The following MYO18B variants were observed in gnomAD, a reference collection of about 807,000 sequenced individuals.
MYO18B encodes myosin XVIIIB, also known as unconventional myosin-XVIIIb.
Under a neutral mutation model 273.0 loss-of-function variants are expected in MYO18B, and 204 were observed. That is an observed-to-expected ratio of 0.75 (90% CI 0.67 to 0.84). The LOEUF is 0.84. MYO18B is among the 40% of genes least tolerant of loss of function. The probability of loss-of-function intolerance (pLI) is 0.00; values close to 1 mark genes in which losing one functional copy is unlikely to be tolerated. For missense variants in MYO18B, 3,212 were observed against 3,287.6 expected (o/e 0.98, Z 0.56); for synonymous variants, 1,330 against 1,305.7 (o/e 1.02, Z -0.40).
rs1037092666 is a variant in MYO18B at position 25,769,442 on chromosome 22, G to A, written c.1512+14G>A. 8 of 1,501,026 alleles carry A rather than the reference G, an allele frequency of 5.3e-6. No individual in the cohort carries two copies. Among genetic ancestry groups the A allele is most frequent in the Admixed American group, 4.7e-5 (2 of 42,306 alleles). 93.0% of individuals were successfully genotyped at this position (1,501,026 alleles called of 1,614,324 possible). On this transcript the variant is annotated intron_variant, in intron 4 of 43. Coordinates refer to ENST00000335473, the MANE Select transcript of MYO18B (RefSeq NM_032608.7). ...GACTCAGACCAGGTGAGGGGGCTGC[G>A]GCCCTGGGAGCGGGAAGCGGCAGAC...
chr22:25,861,936 C>A (rs531188083), intron 21 of MYO18B, among the ~76,000 whole-genome samples: 1 of 152,272 alleles, frequency 6.6e-6, no homozygotes, highest in East Asian at 1.9e-4. Context: ...AGTCCACCCT[C>A]CATATGTATC....
intron 33 of MYO18B, among the ~76,000 whole-genome samples, chr22:25,913,429 T>A (rs1314768968): frequency 6.6e-6 from 1 of 152,224 alleles, no homozygotes; most frequent in Non-Finnish European, 1.5e-5. Flanking sequence ...AGTGGTGTGA[T>A]CTGGGCTCAC....
intron 12 of MYO18B, among the ~76,000 whole-genome samples, chr22:25,802,771 A>C (rs1016364345): frequency 2.0e-5 from 3 of 150,736 alleles, no homozygotes; most frequent in Admixed American, 6.6e-5. Context: ...AAAAAAAAAA[A>C]AAAAACCCCT....
rs777695914 is a variant in MYO18B at position 25,846,189 on chromosome 22, C to T, written c.3458C>T (p.Ala1153Val). The change falls in exon 19 of 44, where the codon GCC becomes GTC. Residue 1153 changes from alanine (A) to valine (V), a missense_variant. Coordinates refer to ENST00000335473, the MANE Select transcript of MYO18B (RefSeq NM_032608.7). ...GGCCTGGAGGGCACCTCCCAGCAGG[C>T]CCTGCAGAGGAGCCGCATGGTGAGG... ...VAGLEGTSQQALQRSRMVRRT... is the reference protein window; with the variant it reads ...VAGLEGTSQQVLQRSRMVRRT... 12 of 1,611,984 alleles carry T rather than the reference C, an allele frequency of 7.4e-6. No homozygotes were observed. In the African/African-American group the frequency reaches 8.0e-5, roughly 11 times the overall value.
chr22:25,791,035 G>A (rs2087636995), intron 11 of MYO18B, among the ~76,000 whole-genome samples: 1 of 152,170 alleles, frequency 6.6e-6, no homozygotes, highest in South Asian at 2.1e-4. Context: ...GATATTTATT[G>A]ATCTTATTAG....
chr22:25,975,245 A>G (rs7284984), intron 39 of MYO18B, among the ~76,000 whole-genome samples: 6 of 152,080 alleles, frequency 3.9e-5, no homozygotes, highest in Non-Finnish European at 8.8e-5. Context: ...TTCTTTCCTG[A>G]TGAGTCAATA....
At chr22:25,824,670 G>A (rs12167441) in intron 13 of MYO18B, among the ~76,000 whole-genome samples, 27,423 of 152,042 alleles carry the variant, frequency 0.18, 2,782 homozygotes, top group Non-Finnish European at 0.22. Context: ...CAGGGACTTC[G>A]GCGTGAGGAC....
chr22:26,052,625 A>G, the MYO18B span, among the ~76,000 whole-genome samples: 1 of 152,190 alleles, frequency 6.6e-6, no homozygotes. Context: ...GATGAAAAGA[A>G]CAAGAAAGAA....
At chr22:25,942,642 C>T (rs1303498444) in intron 34 of MYO18B, among the ~76,000 whole-genome samples, 2 of 152,142 alleles carry the variant, frequency 1.3e-5, no homozygotes, top group Non-Finnish European at 2.9e-5. Context: ...CAGAGTCCGC[C>T]TTTATCAAAA....
At chr22:25,864,394 C>T (rs1049322170) in intron 21 of MYO18B, among the ~76,000 whole-genome samples, 2 of 152,160 alleles carry the variant, frequency 1.3e-5, no homozygotes, top group African/African-American at 2.4e-5. Flanking sequence ...CCTTCCTCCA[C>T]CATTCTGGAA....
At chr22:25,894,458 C>T (rs1030317955) in intron 27 of MYO18B, among the ~76,000 whole-genome samples, 9 of 152,174 alleles carry the variant, frequency 5.9e-5, no homozygotes, top group Non-Finnish European at 1.3e-4. Context: ...GATAAGACAT[C>T]TTAGCCTAAA....
At chr22:25,764,497 C>T (rs1316616264) in intron 3 of MYO18B, among the ~76,000 whole-genome samples, 3 of 152,210 alleles carry the variant, frequency 2.0e-5, no homozygotes, top group Admixed American at 1.3e-4. Context: ...AGCCCAGTGA[C>T]CCATCCTGAC....
At chr22:26,044,920 G>A in the MYO18B span, among the ~76,000 whole-genome samples, 1 of 152,188 alleles carries the variant, frequency 6.6e-6, no homozygotes, top group South Asian at 2.1e-4. Flanking sequence ...GAGATGGTTT[G>A]TCCAATGGCA....
rs571740354 is a variant in MYO18B at position 26,026,904 on chromosome 22, C to T, written c.6930C>T (p.Pro2310=). 6.2e-7 allele frequency: 1 copy of T among 1,608,474 alleles called. No individual in the cohort carries two copies. The highest frequency in any genetic ancestry group is 8.5e-7 in the Non-Finnish European group (1 of 1,176,628). ...NLSLRVGAKS[P]LEIEGAAGGL... ...CGCTGAGGGTTGGGGCAAAGTCACC[C>T]CTGGAAATCGAAGGGGCCGCTGGTG... The change falls in exon 43 of 44, where the codon CCC becomes CCT. Residue 2310 remains proline, a synonymous_variant. Coordinates refer to ENST00000335473, the MANE Select transcript of MYO18B (RefSeq NM_032608.7).
intron 26 of MYO18B, 123 bp downstream of exon 26, chr22:25,890,998 T>G (rs773962254): frequency 2.7e-5 from 37 of 1,387,364 alleles, no homozygotes; most frequent in Non-Finnish European, 3.5e-5. Context: ...GACTGACTGC[T>G]GGGCTCAAGG....
At position 25,772,486 on chromosome 22, in the gene MYO18B, G is replaced by A. The variant is rs375159435; in HGVS notation, c.1845G>A (p.Gly615=). The A allele has an allele frequency of 8.7e-6, 14 of 1,613,718 alleles. No homozygotes were observed. The highest frequency in any genetic ancestry group is 4.0e-5 in the African/African-American group (3 of 74,912). Residue 615 remains glycine, a synonymous_variant, in exon 7 of 44, where the codon GGG becomes GGA. Transcript: ENST00000335473. ...ATCTGATTGTCCTCCAGCCCCGGGG[G>A]CCCTCGGTGCCTTCTGCAGGGAAGG... is the stretch of plus-strand genomic sequence containing the variant. The part of the protein sequence containing the change: ...GPDLIVLQPR[G]PSVPSAGKVP...
chr22:25,946,313 G>A, intron 35 of MYO18B, 63 bp downstream of exon 35: 2 of 1,191,246 alleles, frequency 1.7e-6, no homozygotes, highest in Admixed American at 2.1e-5. Flanking sequence ...GAGCTAGTGT[G>A]GGCCTAGTGT....
rs756256936 is a variant in MYO18B at position 25,798,004 on chromosome 22, A to G, written c.2428A>G (p.Met810Val). The G allele has an allele frequency of 3.7e-6, 6 of 1,613,956 alleles. No homozygotes were observed. The South Asian group carries it at 5.5e-5, about 15-fold the overall frequency. The change falls in exon 12 of 44, where the codon ATG (methionine) becomes GTG (valine). Residue 810 changes from methionine (M) to valine (V), a missense_variant. By Grantham distance (21) the Met-to-Val change is conservative (BLOSUM62 1). Transcript: ENST00000335473. The stretch of plus-strand genomic sequence containing the variant: ...TGCCTTTGCCCAGCTCCAGGGTGCC[A>G]TGGAGATGCTCGGCATCTCAGAGAG... ...AAAFAQLQGAMEMLGISESEQ... is the reference protein window; with the variant it reads ...AAAFAQLQGAVEMLGISESEQ...
chr22:25,980,521 A>T (rs574450900), intron 39 of MYO18B, among the ~76,000 whole-genome samples: 13 of 152,258 alleles, frequency 8.5e-5, no homozygotes, highest in African/African-American at 2.6e-4. Flanking sequence ...TCTGCCTTTA[A>T]TATACAAGTG....
Sources: allele counts gnomAD v4.1 joint callset (sites outside exome capture counted in the v4.1 genomes callset), GRCh38; gene constraint gnomAD v4.1.1; transcripts MANE v1.5; gene names NCBI Gene and HGNC (gene_info 2026-07-23, HGNC 2026-07-21).